The following NBAS variants were observed in gnomAD, a reference collection of about 807,000 sequenced individuals.
NBAS encodes NAG/BC035112 fusion.
A neutral mutation model predicts 302.5 loss-of-function variants in NBAS; 219 were observed. That is an observed-to-expected ratio of 0.72 (90% CI 0.65 to 0.81). The LOEUF (loss-of-function observed/expected upper bound fraction) is 0.81. Ranked by LOEUF, NBAS falls within the 30% of genes least tolerant of loss-of-function variation. The pLI, the probability that NBAS is intolerant of heterozygous loss-of-function variation, is 0.00. For synonymous variants in NBAS, 1,118 were observed against 1,021.6 expected, an observed-to-expected ratio of 1.09 and a Z score of -1.80; for missense variants, 2,932 against 2,841.6, an observed-to-expected ratio of 1.03 and a Z score of -0.72.
rs369039850 is a variant in NBAS, at chr2:15,250,855, T to C, written c.5725-12169A>G. Among the ~76,000 whole-genome samples the C allele has an allele frequency of 2.6e-4, 40 of 152,320 alleles. No homozygotes were observed. In the East Asian group the frequency reaches 5.0e-3, roughly 19 times the overall value. On this transcript the variant is annotated intron_variant, in intron 44 of 51. Coordinates refer to ENST00000281513, the MANE Select transcript of NBAS (RefSeq NM_015909.4). ...GAGAAATAGGAACGCTTTTACACTG[T>C]TGGTGGGAGTGTAAATTAGTTCGAC... is the stretch of plus-strand genomic sequence containing the variant.
chr2:15,086,981 G>A, the NBAS span, among the ~76,000 whole-genome samples: 6 of 151,478 alleles, frequency 4.0e-5, no homozygotes, highest in South Asian at 2.1e-4. Flanking sequence ...TCCCCAACAC[G>A]CACACACACA....
At chr2:15,541,572 A>G (rs1043135688) in intron 6 of NBAS, among the ~76,000 whole-genome samples, 3 of 152,116 alleles carry the variant, frequency 2.0e-5, no homozygotes, top group African/African-American at 4.8e-5. Context: ...TTAAAAGTAT[A>G]CAAAAAAATC....
intron 10 of NBAS, 80 bp downstream of exon 10, chr2:15,511,132 T>C (rs762126270): frequency 7.4e-5 from 114 of 1,533,880 alleles, no homozygotes; most frequent in Non-Finnish European, 8.2e-5. Context: ...CTCTATATCT[T>C]ACAAAGGACT....
Position 15,179,035 on chromosome 2 carries a change from CAT to C in NBAS, c.6791_6792del (p.Asp2264GlyfsTer19). The C allele has an allele frequency of 1.2e-6, 2 of 1,613,972 alleles. No individual in the cohort carries two copies. The highest frequency in any genetic ancestry group is 1.7e-6 in the Non-Finnish European group (2 of 1,180,022). On this transcript the variant is annotated frameshift_variant, in exon 51 of 52. Coordinates refer to ENST00000281513, the MANE Select transcript of NBAS (RefSeq NM_015909.4). LOFTEE classifies it low-confidence loss of function (END_TRUNC). ...TCCAGTGCCATCTCGTGCAGATGCT[CAT>C]CTCGGCTCTCGAGGAGAAGTTTCAG... ...PSLKLLLESR[D>X]EHLHEMALEQ...
chr2:15,379,837 A>G lies in NBAS; in HGVS notation c.3361-6T>C. On this transcript the variant is annotated splice_region_variant and splice_polypyrimidine_tract_variant and intron_variant, in intron 29 of 51. Transcript: ENST00000281513. ...AGAAGGCTTTCTGTAAATATCTGGAAAAAAGGAGAAACTGGAATTAGTTAT... is the reference window on the plus strand; with the variant it reads ...AGAAGGCTTTCTGTAAATATCTGGAGAAAAGGAGAAACTGGAATTAGTTAT... 6.2e-7 allele frequency: 1 copy of G among 1,610,656 alleles called. No homozygotes were observed. The highest frequency in any genetic ancestry group is 2.2e-5 in the East Asian group (1 of 44,810).
the NBAS span, among the ~76,000 whole-genome samples, chr2:14,933,333 A>G: frequency 6.6e-6 from 1 of 152,236 alleles, no homozygotes; most frequent in East Asian, 1.9e-4. Flanking sequence ...TTCTTTCACC[A>G]ACCATCTATG....
the NBAS span, among the ~76,000 whole-genome samples, chr2:14,800,567 G>C: frequency 5.9e-5 from 9 of 152,134 alleles, no homozygotes; most frequent in Non-Finnish European, 1.0e-4. Context: ...TCTTTGTTAT[G>C]CTATTTAGTG....
At chr2:14,951,409 G>A in the NBAS span, among the ~76,000 whole-genome samples, 8 of 152,260 alleles carry the variant, frequency 5.3e-5, no homozygotes, top group South Asian at 2.1e-4. Context: ...GGAGCAGTGC[G>A]TCTGCTGGAT....
intron 9 of NBAS, 66 bp downstream of exon 9, chr2:15,534,477 T>C: frequency 8.6e-7 from 1 of 1,157,812 alleles, no homozygotes; most frequent in South Asian, 1.2e-5. Context: ...CAGAATAGTT[T>C]CTTCTATCTG....
intron 25 of NBAS, among the ~76,000 whole-genome samples, chr2:15,403,519 A>C (rs560969399): frequency 1.3e-5 from 2 of 152,156 alleles, no homozygotes; most frequent in Non-Finnish European, 2.9e-5. Flanking sequence ...TTTACATAAC[A>C]TTTACATTGT....
chr2:15,514,650 T>C (rs984128178), intron 9 of NBAS, among the ~76,000 whole-genome samples: 2 of 151,316 alleles, frequency 1.3e-5, no homozygotes, highest in African/African-American at 4.8e-5. Flanking sequence ...TATATATATT[T>C]GTATTAAAAA....
Position 15,330,588 on chromosome 2 carries a change from C to T in NBAS, c.4347+10G>A. On this transcript the variant is annotated intron_variant, in intron 36 of 51. Transcript: ENST00000281513. ...GCAGTTGATTTTAAAAAGAAAGATG[C>T]ACTGCTTACCTGAAGGGGTCGAAGG... 6.2e-7 allele frequency: 1 copy of T among 1,613,430 alleles called. No individual in the cohort carries two copies. The highest frequency in any genetic ancestry group is 1.1e-5 in the South Asian group (1 of 91,008).
the NBAS span, among the ~76,000 whole-genome samples, chr2:14,991,427 A>G: frequency 6.6e-6 from 1 of 152,196 alleles, no homozygotes; most frequent in Non-Finnish European, 1.5e-5. Context: ...CTCCAGAAAC[A>G]TAAGGTACCA....
intron 29 of NBAS, among the ~76,000 whole-genome samples, chr2:15,381,208 T>C (rs1359034035): frequency 6.6e-6 from 1 of 152,156 alleles, no homozygotes; most frequent in Non-Finnish European, 1.5e-5. Flanking sequence ...ATGAACAACA[T>C]AGATTTCTGT....
the NBAS span, among the ~76,000 whole-genome samples, chr2:14,842,529 T>A: frequency 3.3e-5 from 5 of 151,904 alleles, no homozygotes; most frequent in Admixed American, 6.6e-5. Context: ...CACCAGAGAC[T>A]ATTAGGAAAA....
the NBAS span, among the ~76,000 whole-genome samples, chr2:15,069,416 C>A: frequency 6.6e-6 from 1 of 152,200 alleles, no homozygotes; most frequent in Non-Finnish European, 1.5e-5. Flanking sequence ...AACCCTTCAT[C>A]TTGAAATGAT....
chr2:15,548,064 A>G (rs1036922624), intron 6 of NBAS, among the ~76,000 whole-genome samples: 1 of 152,224 alleles, frequency 6.6e-6, no homozygotes, highest in African/African-American at 2.4e-5. Context: ...TGTATAATAT[A>G]GACAGTATTA....
chr2:15,127,453 C>G, the NBAS span, among the ~76,000 whole-genome samples: 1 of 152,158 alleles, frequency 6.6e-6, no homozygotes, highest in Non-Finnish European at 1.5e-5. Context: ...TTCCCTGTGT[C>G]GCAGCACAGC....
In NBAS at chr2:15,276,088, T is replaced by C. The variant is rs751173259; in HGVS notation, c.5390-270A>G. ...TGTTTGTACCCTAGAGATGACAATATCTCCATGCCTTTCGAATCCGCCGCA... is the reference window on the plus strand; with the variant it reads ...TGTTTGTACCCTAGAGATGACAATACCTCCATGCCTTTCGAATCCGCCGCA... On this transcript the variant is annotated intron_variant, in intron 43 of 51. Transcript: ENST00000281513. Among the ~76,000 whole-genome samples, 69 of 152,258 alleles carry C rather than the reference T, an allele frequency of 4.5e-4. No homozygotes were observed. The Middle Eastern group carries it at 0.01, about 23-fold the overall frequency.
Sources: allele counts gnomAD v4.1 joint callset (sites outside exome capture counted in the v4.1 genomes callset), GRCh38; gene constraint gnomAD v4.1.1; transcripts MANE v1.5; gene names NCBI Gene and HGNC (gene_info 2026-07-23, HGNC 2026-07-21).